Variants in PHACTR1 observed in about 807,000 individuals in gnomAD.
The protein encoded by PHACTR1 is phosphatase and actin regulator 1.
In PHACTR1, 16 loss-of-function variants were observed where a neutral mutation model predicts 69.2. The ratio of observed to expected loss-of-function variants is 0.23; its 90% CI spans 0.16 to 0.35. PHACTR1 has a LOEUF of 0.35. PHACTR1 is among the 10% of genes least tolerant of loss of function. The probability of loss-of-function intolerance (pLI) is 1.00; values close to 1 mark genes in which losing one functional copy is unlikely to be tolerated. For missense variants in PHACTR1, 510 were observed against 734.7 expected (o/e 0.69, Z 3.54); for synonymous variants, 312 against 284.5 (o/e 1.10, Z -0.97).
intron 7 of PHACTR1, among the ~76,000 whole-genome samples, chr6:13,193,667 C>T (rs889442654): frequency 2.0e-5 from 3 of 151,948 alleles, no homozygotes; most frequent in East Asian, 3.9e-4. Context: ...GGACTACAGG[C>T]GAGATCTGCC....
In PHACTR1 at chr6:13,246,362, G is replaced by A. The variant is rs544592899; in HGVS notation, c.1391+16169G>A. Among the ~76,000 whole-genome samples the A allele has an allele frequency of 1.3e-5, 2 of 151,628 alleles. No individual in the cohort carries two copies. Among genetic ancestry groups the A allele is most frequent in the Non-Finnish European group, 2.9e-5 (2 of 68,006 alleles). On this transcript the variant is annotated intron_variant, in intron 10 of 14. Coordinates refer to ENST00000332995, the MANE Select transcript of PHACTR1 (RefSeq NM_030948.6). This position sits in a 1 kb window ranked among gnomAD's most constrained non-coding sequence, Gnocchi z 4.2. ...CCATGATCTTCCTTGATCCCACTTA[G>A]CCAAAAGAACACTGAAATTAAATGT...
chr6:13,237,751 C>G (rs1340786022), intron 10 of PHACTR1, among the ~76,000 whole-genome samples: 1 of 152,192 alleles, frequency 6.6e-6, no homozygotes, highest in East Asian at 1.9e-4. Flanking sequence ...TGTACTCACA[C>G]AAACCAAGAT....
chr6:12,834,045 C>T (rs1777882013), intron 4 of PHACTR1, among the ~76,000 whole-genome samples: 1 of 152,160 alleles, frequency 6.6e-6, no homozygotes, highest in South Asian at 2.1e-4. Flanking sequence ...GCTATGGTCA[C>T]TCTTGGCTCT....
intron 4 of PHACTR1, among the ~76,000 whole-genome samples, chr6:12,757,999 C>A (rs1180115266): frequency 6.6e-6 from 1 of 152,160 alleles, no homozygotes; most frequent in Non-Finnish European, 1.5e-5. Flanking sequence ...GCAGTCCCAG[C>A]TCCTCTGGAG....
intron 4 of PHACTR1, among the ~76,000 whole-genome samples, chr6:12,794,460 CT>C (rs772385459): frequency 6.6e-6 from 1 of 152,202 alleles, no homozygotes; most frequent in Non-Finnish European, 1.5e-5. Context: ...CCTGAATATG[CT>C]GGGCATAGAG....
intron 4 of PHACTR1, among the ~76,000 whole-genome samples, chr6:12,838,136 G>A (rs1399086842): frequency 1.4e-4 from 21 of 152,326 alleles, no homozygotes; most frequent in East Asian, 5.8e-4. Context: ...AAGTGAAAGC[G>A]TTTTCCTATA....
At chr6:12,890,531 C>T (rs968279783) in intron 4 of PHACTR1, among the ~76,000 whole-genome samples, 2 of 152,170 alleles carry the variant, frequency 1.3e-5, no homozygotes, top group African/African-American at 2.4e-5. Context: ...TGTCCTTCAT[C>T]CACCCCTGAC....
chr6:13,262,932 G>A (rs1776101685), intron 10 of PHACTR1, among the ~76,000 whole-genome samples: 1 of 152,196 alleles, frequency 6.6e-6, no homozygotes. Context: ...CAGAGATCCA[G>A]ACTTTAAAAT....
chr6:13,131,581 C>G (rs1367567961), intron 5 of PHACTR1, among the ~76,000 whole-genome samples: 1 of 152,106 alleles, frequency 6.6e-6, no homozygotes, highest in South Asian at 2.1e-4. Flanking sequence ...CCACCTGTTA[C>G]CCAAAAACAA....
intron 10 of PHACTR1, among the ~76,000 whole-genome samples, chr6:13,250,723 GA>G (rs1482673665): frequency 6.6e-6 from 1 of 152,226 alleles, no homozygotes; most frequent in Admixed American, 6.5e-5. Flanking sequence ...AGTCCTGCAG[GA>G]AAAGGTGGGG....
At chr6:12,795,480 G>T (rs1466047067) in intron 4 of PHACTR1, among the ~76,000 whole-genome samples, 1 of 152,118 alleles carries the variant, frequency 6.6e-6, no homozygotes, top group African/African-American at 2.4e-5. Context: ...TAATGCTCCT[G>T]GGGAAGAACA....
At chr6:12,851,767 T>C (rs1779849325) in intron 4 of PHACTR1, among the ~76,000 whole-genome samples, 1 of 152,196 alleles carries the variant, frequency 6.6e-6, no homozygotes, top group South Asian at 2.1e-4. Context: ...ATGTTTTCTT[T>C]TGTCATGTAT....
chr6:12,985,807 T>C (rs995344357), intron 4 of PHACTR1, among the ~76,000 whole-genome samples: 4 of 151,938 alleles, frequency 2.6e-5, no homozygotes, highest in African/African-American at 7.3e-5. Context: ...TATTGTATAA[T>C]TCAATTTATA....
At chr6:13,280,828 T>G (rs763880570) in intron 12 of PHACTR1, 16 of 571,400 alleles carry the variant, frequency 2.8e-5, no homozygotes, top group South Asian at 5.3e-5. Flanking sequence ...TTTGCAGCAT[T>G]CAAGGAAGGA....
At chr6:12,720,783 G>T (rs1762018417) in intron 3 of PHACTR1, among the ~76,000 whole-genome samples, 1 of 152,190 alleles carries the variant, frequency 6.6e-6, no homozygotes, top group Non-Finnish European at 1.5e-5. Flanking sequence ...AAGAGCTCCA[G>T]GGATGGCTAC....
chr6:12,755,209 A>G (rs9283913), intron 4 of PHACTR1, among the ~76,000 whole-genome samples: 10,770 of 152,148 alleles, frequency 0.071, 1,300 homozygotes, highest in African/African-American at 0.25. Context: ...ATATATGTCT[A>G]TATAATTTAA....
At position 12,768,809 on chromosome 6, in the gene PHACTR1, TACACACACACACACACACAC is replaced by T. The variant is rs4053038; in HGVS notation, c.250+19053_250+19072del. Among the ~76,000 whole-genome samples the T allele has an allele frequency of 4.3e-3, 531 of 123,364 alleles. 4 individuals are homozygous for T. Among genetic ancestry groups the T allele is most frequent in the Admixed American group, 0.01 (126 of 12,432 alleles). 80.9% of individuals were successfully genotyped at this position (123,364 alleles called of 152,430 possible). A position where few individuals can be genotyped will look rare whatever the true frequency, so the allele number is the denominator to read the frequency against. ...GAATGGATAAAGAAAATGTGCTATC[TACACACACACACACACACAC>T]ACACACACACACACACACACACACA... is the stretch of plus-strand genomic sequence containing the variant. On this transcript the variant is annotated intron_variant, in intron 4 of 14. Coordinates refer to ENST00000332995, the MANE Select transcript of PHACTR1 (RefSeq NM_030948.6).
At chr6:12,919,207 A>G (rs1184721643) in intron 4 of PHACTR1, among the ~76,000 whole-genome samples, 1 of 152,020 alleles carries the variant, frequency 6.6e-6, no homozygotes, top group Non-Finnish European at 1.5e-5. Flanking sequence ...CAATGGTGCA[A>G]TCTTGGCTCA....
At chr6:13,198,291 C>T (rs1015266213) in intron 7 of PHACTR1, among the ~76,000 whole-genome samples, 13 of 152,140 alleles carry the variant, frequency 8.5e-5, no homozygotes, top group Admixed American at 7.9e-4. Context: ...ACTCAATAGG[C>T]AATGCTGTGA....
Sources: gnomAD v4.1 joint callset for allele counts (sites outside exome capture counted in the v4.1 genomes callset) on GRCh38, gnomAD v4.1.1 for gene constraint, Gnocchi (gnomAD v3.1) non-coding constraint, MANE v1.5 for transcripts, NCBI Gene and HGNC (gene_info 2026-07-23, HGNC 2026-07-21) for gene names.